CEACAM18: variants seen among roughly 807,000 people sequenced by gnomAD.
CEACAM18 encodes cell adhesion molecule CEACAM18.
A neutral mutation model predicts 34.3 loss-of-function variants in CEACAM18; 33 were observed. The ratio of observed to expected loss-of-function variants is 0.96; its 90% CI spans 0.73 to 1.29. The LOEUF (loss-of-function observed/expected upper bound fraction) is 1.29. CEACAM18 is among the 50% of genes most tolerant of loss of function. CEACAM18 has a pLI of 0.00. For synonymous variants in CEACAM18, 169 were observed against 180.9 expected (o/e 0.93, Z 0.53); for missense variants, 474 against 485.0 (o/e 0.98, Z 0.21).
Position 51,481,683 on chromosome 19 carries a change from C to T in CEACAM18, c.673+18C>T, listed in dbSNP as rs1989918980. The T allele has an allele frequency of 6.2e-7, 1 of 1,603,086 alleles. No individual in the cohort carries two copies. The highest frequency in any genetic ancestry group is 2.2e-5 in the East Asian group (1 of 44,720). On this transcript the variant is annotated intron_variant, in intron 3 of 5. Transcript: ENST00000396477. ...TGTGGCCTGTGAGTGGTCTGGGCTCCTGGGACTGAAGCCAGGGCTGGTCTC... is the reference window on the plus strand; with the variant it reads ...TGTGGCCTGTGAGTGGTCTGGGCTCTTGGGACTGAAGCCAGGGCTGGTCTC...
chr19:51,479,237 G>C (rs1230695799), intron 1 of CEACAM18, among the ~76,000 whole-genome samples: 4 of 152,186 alleles, frequency 2.6e-5, no homozygotes, highest in Admixed American at 2.6e-4. Flanking sequence ...GTGAGGCCTA[G>C]AGCCGGGGTC....
chr19:51,481,484 C>T (rs61998206), exon 3 of CEACAM18: 56,973 of 1,613,930 alleles, frequency 0.035, 1,181 homozygotes, highest in Non-Finnish European at 0.041. Context: ...CAAATGTCAC[C>T]AACATCACGT....
At chr19:51,489,209 C>T (rs865940899) in intron 5 of CEACAM18, among the ~76,000 whole-genome samples, 2 of 148,836 alleles carry the variant, frequency 1.3e-5, no homozygotes, top group Admixed American at 6.7e-5. Flanking sequence ...ATTAAGTCAA[C>T]CTCAGTGACT....
At chr19:51,478,931 T>TCAC (rs1555774714) in intron 1 of CEACAM18, among the ~76,000 whole-genome samples, 3 of 147,848 alleles carry the variant, frequency 2.0e-5, no homozygotes, top group African/African-American at 7.5e-5. Flanking sequence ...CATGTGGTGT[T>TCAC]ACACACACAC....
intron 1 of CEACAM18, 134 bp downstream of exon 1, chr19:51,478,828 AGAG>A: frequency 1.6e-6 from 1 of 609,378 alleles, no homozygotes; most frequent in Non-Finnish European, 2.5e-6. Context: ...GGGGTCGGGG[AGAG>A]GAGAAGGGGG....
chr19:51,483,311 C>G lies in CEACAM18; in HGVS notation c.953+15C>G, dbSNP rs1390822013. On this transcript the variant is annotated intron_variant, in intron 4 of 5. Transcript: ENST00000396477. ...GCCCCCCATGAGTGCAGCAGCTCCC[C>G]TCCAGGCTCATGCTTTGCACATCTC... The G allele has an allele frequency of 1.9e-6, 3 of 1,613,338 alleles. No individual in the cohort carries two copies. Among genetic ancestry groups the G allele is most frequent in the African/African-American group, 2.7e-5 (2 of 74,914 alleles).
downstream of CEACAM18, chr19:51,491,049 G>GCCGAATGAGAGAAGA (rs1237500391): frequency 6.1e-6 from 1 of 163,854 alleles, no homozygotes; most frequent in Non-Finnish European, 1.3e-5. Flanking sequence ...TCCACTCAGT[G>GCCGAATGAGAGAAGA]CCGAATGAGA....
rs1475433204 is a variant in CEACAM18 at position 51,481,673 on chromosome 19, G to A, written c.673+8G>A. On this transcript the variant is annotated splice_region_variant and intron_variant, in intron 3 of 5. Transcript: ENST00000396477. Reference sequence around the variant, plus strand: ...TCTCTCTGACTGTGGCCTGTGAGTGGTCTGGGCTCCTGGGACTGAAGCCAG... The same window carrying A: ...TCTCTCTGACTGTGGCCTGTGAGTGATCTGGGCTCCTGGGACTGAAGCCAG... 6.2e-7 allele frequency: 1 copy of A among 1,607,072 alleles called. No homozygotes were observed.
chr19:51,486,666 C>A (rs1373840637), intron 5 of CEACAM18, among the ~76,000 whole-genome samples: 1 of 151,926 alleles, frequency 6.6e-6, no homozygotes, highest in African/African-American at 2.4e-5. Flanking sequence ...CAGAACAAAA[C>A]TTTTGTTTAT....
At chr19:51,482,129 G>C (rs993795256) in intron 3 of CEACAM18, among the ~76,000 whole-genome samples, 1 of 151,994 alleles carries the variant, frequency 6.6e-6, no homozygotes, top group African/African-American at 2.4e-5. Flanking sequence ...CTTAAACAGA[G>C]AGCTTTATTT....
exon 6 of CEACAM18, chr19:51,490,726 G>C: frequency 2.4e-6 from 2 of 838,730 alleles, no homozygotes; most frequent in Non-Finnish European, 3.2e-6. Context: ...GGTCTCTTTG[G>C]AGGGTACTGG....
chr19:51,484,875 T>A, intron 4 of CEACAM18, 112 bp from the exon 5 acceptor site: 1 of 1,315,566 alleles, frequency 7.6e-7, no homozygotes, highest in Non-Finnish European at 1.1e-6. Flanking sequence ...GCTTTGCTGA[T>A]AATAGATGTT....
chr19:51,487,982 C>T (rs1990032981), intron 5 of CEACAM18, among the ~76,000 whole-genome samples: 1 of 152,160 alleles, frequency 6.6e-6, no homozygotes, highest in South Asian at 2.1e-4. Context: ...GCCAAAAGTT[C>T]TACCGGACAG....
intron 5 of CEACAM18, among the ~76,000 whole-genome samples, chr19:51,489,979 C>T (rs900255385): frequency 5.9e-5 from 9 of 152,336 alleles, no homozygotes; most frequent in Middle Eastern, 3.4e-3. Context: ...ACCACCTCCA[C>T]GCCACTGTCC....
Position 51,489,329 on chromosome 19 carries a change from C to T in CEACAM18, c.1090-1258C>T, listed in dbSNP as rs192710686. Among the ~76,000 whole-genome samples the T allele has an allele frequency of 3.3e-5, 5 of 151,486 alleles. No individual in the cohort carries two copies. In the East Asian group the frequency reaches 9.8e-4, roughly 30 times the overall value. On this transcript the variant is annotated intron_variant, in intron 5 of 5. Coordinates refer to ENST00000396477, the Ensembl canonical transcript of CEACAM18. ...AAGATGAACAAACTGCTTTCCCTGCCCCCAGTAATATCACAGCTACCACGA... is the reference window on the plus strand; with the variant it reads ...AAGATGAACAAACTGCTTTCCCTGCTCCCAGTAATATCACAGCTACCACGA...
intron 5 of CEACAM18, among the ~76,000 whole-genome samples, chr19:51,487,450 G>A (rs942330200): frequency 2.6e-5 from 4 of 152,052 alleles, no homozygotes; most frequent in Admixed American, 1.3e-4. Flanking sequence ...CTCCAGCCTG[G>A]GCAACAGACA....
At chr19:51,489,283 T>A (rs968028960) in intron 5 of CEACAM18, among the ~76,000 whole-genome samples, 1 of 151,486 alleles carries the variant, frequency 6.6e-6, no homozygotes, top group Non-Finnish European at 1.5e-5. Context: ...CTGGCTTTAT[T>A]CTTGGGCCTC....
At chr19:51,485,018 C>T in exon 5 of CEACAM18, 1 of 1,536,104 alleles carries the variant, frequency 6.5e-7, no homozygotes, top group Non-Finnish European at 8.7e-7. Context: ...GAGATTTCTC[C>T]ATCTCAGGAT....
chr19:51,485,072 T>C (rs10416318), exon 5 of CEACAM18: 340,365 of 1,534,516 alleles, frequency 0.22, 39,002 homozygotes, highest in Middle Eastern at 0.3. Flanking sequence ...TGGGTGGCGT[T>C]TACATCTGTG....
Sources: gnomAD v4.1 joint callset for allele counts (sites outside exome capture counted in the v4.1 genomes callset) on GRCh38, gnomAD v4.1.1 for gene constraint, MANE v1.5 for transcripts, NCBI Gene and HGNC (gene_info 2026-07-23, HGNC 2026-07-21) for gene names.